SCART1: variants seen among roughly 807,000 people sequenced by gnomAD.
SCART1 encodes scavenger receptor cysteine-rich domain-containing protein SCART1.
SCART1 carries 62 observed loss-of-function variants against 36.2 expected under a neutral mutation model. That is an observed-to-expected ratio of 1.71 (90% confidence interval 1.40 to 2.12). The LOEUF is 2.12. Among genes scored for constraint, SCART1 ranks in the 30% most tolerant of loss-of-function variants. The pLI is 0.00. For synonymous variants in SCART1, 487 were observed against 238.7 expected, an observed-to-expected ratio of 2.04 and a Z score of -9.59; for missense variants, 1,041 against 540.5, an observed-to-expected ratio of 1.93 and a Z score of -9.18.
exon 10 of SCART1, chr10:133,466,321 C>T (rs1344761101): frequency 1.4e-6 from 1 of 703,082 alleles, no homozygotes; most frequent in Non-Finnish European, 2.6e-6. Flanking sequence ...TCTTGGTCTT[C>T]TCCTTCTGGG....
chr10:133,456,596 A>C (rs1564833423), intron 2 of SCART1, 42 bp downstream of exon 2: 1 of 616,506 alleles, frequency 1.6e-6, no homozygotes, highest in East Asian at 2.8e-5. Context: ...GAGGAGGAGG[A>C]GGAGTGGGAG....
At chr10:133,462,862 G>C (rs950571003) in intron 6 of SCART1, among the ~76,000 whole-genome samples, 2 of 152,200 alleles carry the variant, frequency 1.3e-5, no homozygotes, top group Non-Finnish European at 2.9e-5. Context: ...GCGATTCAAG[G>C]ACTGGGGCCC....
chr10:133,459,603 G>A lies in SCART1; in HGVS notation c.1402G>A (p.Ala468Thr), dbSNP rs1328997115. 8.9e-6 allele frequency: 6 copies of A among 673,584 alleles called. No individual in the cohort carries two copies. In the East Asian group the frequency reaches 1.1e-4, roughly 12 times the overall value. 41.7% of individuals were successfully genotyped at this position (673,584 alleles called of 1,614,324 possible). ...GGACGATGCCTGGGACCTGCGCGGC[G>A]CGGGCGTGGTGTGCCGGCAACTCGG... The change falls in exon 6 of 12, where the codon GCG becomes ACG. Residue 468 changes from alanine (A) to threonine (T), a missense_variant. Coordinates refer to ENST00000640237, the Ensembl canonical transcript of SCART1.
chr10:133,455,917 T>C (rs1247636233), intron 1 of SCART1, among the ~76,000 whole-genome samples: 1 of 151,908 alleles, frequency 6.6e-6, no homozygotes, highest in Non-Finnish European at 1.5e-5. Context: ...GGAATGATGC[T>C]TGGGAGGCAG....
intron 3 of SCART1, 74 bp downstream of exon 3, chr10:133,457,649 A>AG (rs1850636230): frequency 3.3e-6 from 2 of 601,262 alleles, no homozygotes; most frequent in South Asian, 2.0e-5. Context: ...GGCAGGGAGA[A>AG]GGGGGGTGGG....
exon 7 of SCART1, chr10:133,464,837 A>G (rs1376159102): frequency 4.3e-6 from 3 of 702,744 alleles, no homozygotes; most frequent in Non-Finnish European, 7.8e-6. Flanking sequence ...CGAGTGCCGC[A>G]GGCTGCCCAA....
intron 11 of SCART1, 64 bp downstream of exon 11, chr10:133,467,417 G>A: frequency 1.5e-6 from 1 of 650,728 alleles, no homozygotes. Context: ...ACCACAAGAT[G>A]CAGTGGAAAG....
At chr10:133,455,823 C>A (rs1475101084) in intron 1 of SCART1, among the ~76,000 whole-genome samples, 1 of 151,944 alleles carries the variant, frequency 6.6e-6, no homozygotes, top group Non-Finnish European at 1.5e-5. Flanking sequence ...GAGCGGGGCA[C>A]TCCAAGGGGT....
At chr10:133,456,655 G>A (rs937760257) in intron 2 of SCART1, 101 bp downstream of exon 2, 5 of 594,008 alleles carry the variant, frequency 8.4e-6, no homozygotes, top group African/African-American at 3.7e-5. Flanking sequence ...GGAGGATGGC[G>A]GGTCTCGGAG....
chr10:133,459,588 T>TG lies in SCART1; in HGVS notation c.1390dup (p.Asp464GlyfsTer22), dbSNP rs1564834319. 1.0e-5 allele frequency: 7 copies of TG among 674,704 alleles called. No individual in the cohort carries two copies. In the East Asian group the frequency reaches 1.9e-4, roughly 18 times the overall value. 41.8% of individuals were successfully genotyped at this position (674,704 alleles called of 1,614,324 possible). A position where few individuals can be genotyped will look rare whatever the true frequency, so the allele number is the denominator to read the frequency against. On this transcript the variant is annotated frameshift_variant, in exon 6 of 12. Transcript: ENST00000640237. LOFTEE classifies it high-confidence loss of function. ...GTGGGGCCGCGTCCTGGACGATGCC[T>TG]GGGACCTGCGCGGCGCGGGCGTGGT...
intron 3 of SCART1, chr10:133,457,827 G>T: frequency 1.8e-6 from 1 of 550,246 alleles, no homozygotes; most frequent in Non-Finnish European, 3.2e-6. Context: ...CCTGGCTGCC[G>T]CTGCAAGTCT....
exon 12 of SCART1, chr10:133,468,805 T>G: frequency 6.6e-6 from 1 of 152,246 alleles, no homozygotes; most frequent in South Asian, 2.1e-4. Context: ...TGATATATTA[T>G]TCTTTTTGTA....
Position 133,457,064 on chromosome 10 carries a change from C to G in SCART1, c.386-215C>G, listed in dbSNP as rs1422215998. 5 of 580,012 alleles carry G rather than the reference C, an allele frequency of 8.6e-6. No individual in the cohort carries two copies. In the East Asian group the frequency reaches 1.5e-4, roughly 17 times the overall value. 35.9% of individuals were successfully genotyped at this position (580,012 alleles called of 1,614,324 possible). On this transcript the variant is annotated intron_variant, in intron 2 of 11. Coordinates refer to ENST00000640237, the Ensembl canonical transcript of SCART1. ...TTTTGGGGCCCAGTGTGAACGGATC[C>G]TGCGGGGAACCTTGTTTCAGGAGAC... is the stretch of plus-strand genomic sequence containing the variant.
At chr10:133,460,124 G>T (rs1850679749) in exon 6 of SCART1, 1 of 518,502 alleles carries the variant, frequency 1.9e-6, no homozygotes, top group Non-Finnish European at 3.4e-6. Flanking sequence ...CGGGCTGGGG[G>T]CGGCACGACT....
intron 2 of SCART1, 123 bp downstream of exon 2, chr10:133,456,677 G>A: frequency 3.4e-6 from 2 of 592,292 alleles, no homozygotes; most frequent in Non-Finnish European, 6.0e-6. Flanking sequence ...CGGGCGGGGA[G>A]GCTGTGGGTC....
chr10:133,458,796 A>C, intron 4 of SCART1, 140 bp downstream of exon 4: 1 of 671,456 alleles, frequency 1.5e-6, no homozygotes, highest in Non-Finnish European at 2.6e-6. Context: ...AAGCGCAGGG[A>C]AGAGACTGGG....
intron 3 of SCART1, 185 bp from the exon 4 acceptor site, chr10:133,458,175 G>A (rs917742787): frequency 6.1e-5 from 43 of 699,278 alleles, no homozygotes; most frequent in Middle Eastern, 2.7e-4. Context: ...GGCCAAGGAC[G>A]TCTGCTCTGC....
intron 6 of SCART1, among the ~76,000 whole-genome samples, chr10:133,463,091 A>G (rs1850721009): frequency 6.6e-6 from 1 of 152,218 alleles, no homozygotes; most frequent in South Asian, 2.1e-4. Flanking sequence ...AGGATTGTCT[A>G]ACATGCCATT....
At chr10:133,464,348 T>C in intron 6 of SCART1, 2 of 391,732 alleles carry the variant, frequency 5.1e-6, no homozygotes, top group South Asian at 4.9e-5. Flanking sequence ...ACCTGGGTGC[T>C]GCAGTGAACC....
Sources: allele counts gnomAD v4.1 joint callset (sites outside exome capture counted in the v4.1 genomes callset), GRCh38; gene constraint gnomAD v4.1.1; transcripts MANE v1.5; gene names NCBI Gene and HGNC (gene_info 2026-07-23, HGNC 2026-07-21).